The following DIXDC1 variants were observed in gnomAD, a reference collection of about 807,000 sequenced individuals.
DIXDC1 encodes the protein dixin.
A neutral mutation model predicts 103.1 loss-of-function variants in DIXDC1; 64 were observed. The ratio of observed to expected loss-of-function variants is 0.62; its 90% CI spans 0.51 to 0.76. The LOEUF (loss-of-function observed/expected upper bound fraction) is 0.76. Among genes scored for constraint, DIXDC1 ranks in the 30% least tolerant of loss-of-function variants. The probability of loss-of-function intolerance (pLI) is 0.00; values close to 1 mark genes in which losing one functional copy is unlikely to be tolerated. For missense variants in DIXDC1, 759 were observed against 834.2 expected, an observed-to-expected ratio of 0.91 and a Z score of 1.11; for synonymous variants, 266 against 298.5, an observed-to-expected ratio of 0.89 and a Z score of 1.12.
chr11:111,996,267 G>A (rs1031781363), intron 17 of DIXDC1, 121 bp downstream of exon 17: 5 of 836,998 alleles, frequency 6.0e-6, no homozygotes, highest in Non-Finnish European at 9.1e-6. Context: ...ATACTATTTT[G>A]TTTCTGTAGC....
In DIXDC1 at chr11:111,977,843, C is replaced by T. The variant is rs906285939; in HGVS notation, c.656+2860C>T. 6.5e-7 allele frequency: 1 copy of T among 1,529,622 alleles called. No homozygotes were observed. Among genetic ancestry groups the T allele is most frequent in the Non-Finnish European group, 8.8e-7 (1 of 1,136,660 alleles). The allele number at this position is 1,529,622 out of a possible 1,614,324, so 94.8% of individuals were successfully genotyped here. A position where few individuals can be genotyped will look rare whatever the true frequency, so the allele number is the denominator to read the frequency against. On this transcript the variant is annotated intron_variant, in intron 5 of 19. Transcript: ENST00000440460. This position sits in a 1 kb window ranked among gnomAD's most constrained non-coding sequence, Gnocchi z 6.1. Reference sequence around the variant, plus strand: ...TGGAAGTGGGGGGCCTGGGTGGGAACAGGGGCAGGGCTGGAGGATGCTGTT... The same window carrying T: ...TGGAAGTGGGGGGCCTGGGTGGGAATAGGGGCAGGGCTGGAGGATGCTGTT...
At chr11:111,951,081 C>G (rs202079530) in intron 1 of DIXDC1, among the ~76,000 whole-genome samples, 1 of 152,038 alleles carries the variant, frequency 6.6e-6, no homozygotes, top group South Asian at 2.1e-4. Flanking sequence ...TAAGAAATGA[C>G]AATAGAAAAA....
At position 111,977,406 on chromosome 11, in the gene DIXDC1, C is replaced by T. The variant is rs1860143327; in HGVS notation, c.656+2423C>T. The T allele has an allele frequency of 8.8e-7, 1 of 1,138,834 alleles. No homozygotes were observed. The highest frequency in any genetic ancestry group is 7.1e-5 in the East Asian group (1 of 14,000). The allele number at this position is 1,138,834 out of a possible 1,614,324, so 70.5% of individuals were successfully genotyped here. ...TCCCAGTGGGAGATGGGTTGAGATG[C>T]CCCCGCCAGGGGGGATGCCCGGCAC... On this transcript the variant is annotated intron_variant, in intron 5 of 19. Transcript: ENST00000440460. This position sits in a 1 kb window ranked among gnomAD's most constrained non-coding sequence, Gnocchi z 6.1.
In DIXDC1 at chr11:111,992,517, A is replaced by C; in HGVS notation, c.1216A>C (p.Asn406His). 1 of 1,561,200 alleles carries C rather than the reference A, an allele frequency of 6.4e-7. No homozygotes were observed. Residue 406 changes from asparagine (N) to histidine (H), a missense_variant and splice_region_variant, in exon 11 of 20, where the codon AAT becomes CAT. Around this residue, in one of 3 missense-constraint regions of DIXDC1, gnomAD observed 657 missense variants for 727.5 expected, o/e 0.90. Transcript: ENST00000440460. Reference protein sequence around the residue: ...NMDKDELHNQNVDLQRKLDER... With the variant: ...NMDKDELHNQHVDLQRKLDER... ...GGACAAAGATGAGCTGCACAACCAG[A>C]ATGTGAGTTAAATGAATGAGCCTTG... is the stretch of plus-strand genomic sequence containing the variant.
intron 1 of DIXDC1, 53 bp from the exon 2 acceptor site, chr11:111,964,496 A>C: frequency 6.4e-7 from 1 of 1,552,114 alleles, no homozygotes; most frequent in Non-Finnish European, 8.7e-7. Context: ...GTATGAGGTA[A>C]GGGTTGAGAT....
chr11:111,984,953 GA>G (rs143380503), intron 7 of DIXDC1, among the ~76,000 whole-genome samples: 1 of 151,938 alleles, frequency 6.6e-6, no homozygotes, highest in Non-Finnish European at 1.5e-5. Context: ...TGTCTCTTTT[GA>G]AAAAAAGGTT....
intron 1 of DIXDC1, among the ~76,000 whole-genome samples, chr11:111,956,769 C>T (rs782709424): frequency 5.3e-5 from 8 of 152,158 alleles, no homozygotes; most frequent in Non-Finnish European, 1.0e-4. Flanking sequence ...GGGTTACAGG[C>T]TTGAGCCACC....
chr11:111,929,201 C>T (rs1355725574), intron 1 of DIXDC1, among the ~76,000 whole-genome samples: 1 of 152,124 alleles, frequency 6.6e-6, no homozygotes, highest in African/African-American at 2.4e-5. Context: ...AAGAATTACA[C>T]ATGTTGCCTC....
At chr11:111,937,168 G>T, upstream of DIXDC1, 1 of 980,162 alleles carries the variant, frequency 1.0e-6, no homozygotes, top group African/African-American at 1.9e-5. Flanking sequence ...GGCGTGCAGC[G>T]CGCGCCCTCG....
intron 6 of DIXDC1, 69 bp downstream of exon 6, chr11:111,980,918 C>A (rs1555173194): frequency 3.9e-6 from 5 of 1,280,828 alleles, no homozygotes; most frequent in Non-Finnish European, 4.5e-6. Context: ...AGGTCCCCAT[C>A]ACCAATAAGC....
At chr11:111,944,897 A>G (rs1966541694) in intron 1 of DIXDC1, among the ~76,000 whole-genome samples, 1 of 152,190 alleles carries the variant, frequency 6.6e-6, no homozygotes, top group African/African-American at 2.4e-5. Flanking sequence ...GCTTCCTTAG[A>G]ACAAATTAGT....
At chr11:111,945,928 C>A (rs1225811289) in intron 1 of DIXDC1, 1 of 122,776 alleles carries the variant, frequency 8.1e-6, no homozygotes, top group Admixed American at 1.0e-4. Context: ...ACCACCAGCC[C>A]GGTTAATTTT....
chr11:111,979,611 T>A (rs1860231662), intron 5 of DIXDC1, among the ~76,000 whole-genome samples: 1 of 152,122 alleles, frequency 6.6e-6, no homozygotes. Context: ...TTTGGAGATT[T>A]AAAATTCCAC....
chr11:111,978,914 A>C (rs1331776313), intron 5 of DIXDC1, among the ~76,000 whole-genome samples: 1 of 152,230 alleles, frequency 6.6e-6, no homozygotes, highest in Non-Finnish European at 1.5e-5. Context: ...GACATAGTAC[A>C]CTTGGATGAG....
chr11:111,933,774 A>C (rs1385197422), upstream of DIXDC1, among the ~76,000 whole-genome samples: 1 of 151,422 alleles, frequency 6.6e-6, no homozygotes, highest in Non-Finnish European at 1.5e-5. Flanking sequence ...TGTTTATTCA[A>C]ACTGCCTTTC....
chr11:111,995,626 T>C (rs782764724), intron 16 of DIXDC1, 62 bp downstream of exon 16: 4 of 1,594,308 alleles, frequency 2.5e-6, no homozygotes, highest in Non-Finnish European at 3.4e-6. Flanking sequence ...GTTTTAAGAA[T>C]TTTAATTGAG....
chr11:111,978,577 G>A (rs898583688), intron 5 of DIXDC1, among the ~76,000 whole-genome samples: 3 of 152,138 alleles, frequency 2.0e-5, no homozygotes, highest in Middle Eastern at 3.2e-3. Context: ...CCAGACATCC[G>A]CCTCCTTCTG....
In DIXDC1 at chr11:112,016,709, G is replaced by C. The variant is rs1555177764; in HGVS notation, c.1775G>C (p.Ser592Thr). The change falls in exon 18 of 20, where the codon AGC (serine) becomes ACC (threonine). Residue 592 changes from serine to threonine, a missense_variant. Transcript: ENST00000440460. ...ATTGTAGAGTTGCCTCACTCACAGAGCTCTCCAACTGTCAGCAGCACCTGT... is the reference window on the plus strand; with the variant it reads ...ATTGTAGAGTTGCCTCACTCACAGACCTCTCCAACTGTCAGCAGCACCTGT... ...PPNSKLPHSQ[S>T]SPTVSSTCTK... 20 of 1,604,936 alleles carry C rather than the reference G, an allele frequency of 1.2e-5. No homozygotes were observed. Among genetic ancestry groups the C allele is most frequent in the Admixed American group, 5.1e-5 (3 of 58,458 alleles).
intron 17 of DIXDC1, among the ~76,000 whole-genome samples, chr11:112,008,132 A>G (rs1555176810): frequency 8.2e-6 from 1 of 122,206 alleles, no homozygotes; most frequent in Non-Finnish European, 1.6e-5. Context: ...AATGCAAAGC[A>G]AAAAAAAAAA....
Sources: gnomAD v4.1 joint callset for allele counts (sites outside exome capture counted in the v4.1 genomes callset) on GRCh38, gnomAD v4.1.1 for gene constraint, gnomAD v4.1.1 regional missense constraint, Gnocchi (gnomAD v3.1) non-coding constraint, MANE v1.5 for transcripts, NCBI Gene and HGNC (gene_info 2026-07-23, HGNC 2026-07-21) for gene names.